The following PTK2 variants were observed in gnomAD, a reference collection of about 807,000 sequenced individuals.
PTK2 encodes focal adhesion kinase 1.
A neutral mutation model predicts 150.1 loss-of-function variants in PTK2; 45 were observed. The ratio of observed to expected loss-of-function variants is 0.30; its 90% CI spans 0.24 to 0.38. The LOEUF (loss-of-function observed/expected upper bound fraction) is 0.38, where lower values mean the gene tolerates loss of function less well. PTK2 is among the 10% of genes least tolerant of loss of function. The pLI is 1.00. For synonymous variants in PTK2, 432 were observed against 449.2 expected (o/e 0.96, Z 0.48); for missense variants, 919 against 1,307.3 (o/e 0.70, Z 4.58).
At chr8:140,960,931 G>C (rs971156164) in intron 1 of PTK2, among the ~76,000 whole-genome samples, 2 of 152,146 alleles carry the variant, frequency 1.3e-5, no homozygotes, top group Non-Finnish European at 2.9e-5. Context: ...AGTGAGCCAA[G>C]ATCACACCAC....
chr8:140,745,367 G>A (rs1379137845), intron 18 of PTK2, among the ~76,000 whole-genome samples: 1 of 152,176 alleles, frequency 6.6e-6, no homozygotes, highest in African/African-American at 2.4e-5. Flanking sequence ...GCAAAGAAAG[G>A]CAGACACAAT....
At chr8:140,697,571 G>C (rs1397133937) in intron 26 of PTK2, among the ~76,000 whole-genome samples, 2 of 151,972 alleles carry the variant, frequency 1.3e-5, no homozygotes, top group Non-Finnish European at 2.9e-5. Flanking sequence ...CTCCCAAGTA[G>C]CCTGGATTAT....
chr8:140,886,655 G>T (rs565302840), intron 3 of PTK2, among the ~76,000 whole-genome samples: 2 of 152,148 alleles, frequency 1.3e-5, no homozygotes, highest in Non-Finnish European at 1.5e-5. Flanking sequence ...TTTTCAAAGA[G>T]AGCCCATGCT....
chr8:140,828,624 A>G (rs570434223), intron 8 of PTK2, among the ~76,000 whole-genome samples: 22 of 152,210 alleles, frequency 1.4e-4, no homozygotes, highest in Non-Finnish European at 2.9e-4. Context: ...CATTGGGTAG[A>G]GTACTCTTCT....
Position 140,775,984 on chromosome 8 carries a change from A to G in PTK2, c.1178-11694T>C, listed in dbSNP as rs1440049442. On this transcript the variant is annotated intron_variant, in intron 14 of 31. Transcript: ENST00000522684. ...TCCTGGAATCTGTGATATAAAGAAC[A>G]ATGGACAATCAATAGTTTATTATTA... is the stretch of plus-strand genomic sequence containing the variant. Among the ~76,000 whole-genome samples the G allele has an allele frequency of 2.6e-5, 4 of 152,182 alleles. No individual in the cohort carries two copies. In the South Asian group the frequency reaches 8.3e-4, roughly 32 times the overall value.
intron 1 of PTK2, among the ~76,000 whole-genome samples, chr8:140,969,338 A>G (rs1472094641): frequency 6.6e-6 from 1 of 152,236 alleles, no homozygotes; most frequent in African/African-American, 2.4e-5. Flanking sequence ...ATTATCTCAC[A>G]AAGACTTTAA....
At chr8:140,882,240 T>C (rs1328386861) in intron 3 of PTK2, among the ~76,000 whole-genome samples, 3 of 152,192 alleles carry the variant, frequency 2.0e-5, no homozygotes, top group Non-Finnish European at 4.4e-5. Flanking sequence ...GAACTAAATA[T>C]CTGGTCTGGA....
chr8:140,668,472 T>A (rs2093696818), intron 29 of PTK2, 48 bp from the exon 34 acceptor site: 1 of 1,560,394 alleles, frequency 6.4e-7, no homozygotes, highest in Non-Finnish European at 8.7e-7. Flanking sequence ...GCAGATGGCG[T>A]GAGATCACCA....
At position 140,706,116 on chromosome 8, in the gene PTK2, T is replaced by C. The variant is rs749881975; in HGVS notation, c.2229+3A>G. The C allele has an allele frequency of 6.9e-6, 11 of 1,594,598 alleles. No individual in the cohort carries two copies. In the South Asian group the frequency reaches 1.2e-4, roughly 18 times the overall value. ...CAGTTTATATCTGTAATGACTGGCA[T>C]ACCTGGTAATGATTGGTTTGTACCA... On this transcript the variant is annotated splice_donor_region_variant and intron_variant, in intron 24 of 31. Transcript: ENST00000522684.
intron 10 of PTK2, among the ~76,000 whole-genome samples, chr8:140,814,683 C>T: frequency 6.6e-6 from 1 of 152,058 alleles, no homozygotes; most frequent in Non-Finnish European, 1.5e-5. Flanking sequence ...AATAATAAGA[C>T]AGTGTAGCAA....
intron 1 of PTK2, among the ~76,000 whole-genome samples, chr8:141,000,588 C>G (rs1293263546): frequency 6.6e-6 from 1 of 152,106 alleles, no homozygotes; most frequent in Non-Finnish European, 1.5e-5. Flanking sequence ...CGCCTCTGTC[C>G]GCCCTGCGCG....
At chr8:140,932,692 T>C (rs928105745) in intron 1 of PTK2, among the ~76,000 whole-genome samples, 2 of 152,198 alleles carry the variant, frequency 1.3e-5, no homozygotes, top group Admixed American at 6.5e-5. Context: ...TTATGGATAT[T>C]TGCATCTTCT....
chr8:140,714,101 C>T (rs73369943), intron 23 of PTK2, among the ~76,000 whole-genome samples: 5,875 of 152,118 alleles, frequency 0.039, 303 homozygotes, highest in African/African-American at 0.11. Flanking sequence ...TTGCCCAGGC[C>T]GGTCTCCAAT....
intron 27 of PTK2, among the ~76,000 whole-genome samples, chr8:140,677,636 T>C (rs977660802): frequency 2.6e-5 from 4 of 152,210 alleles, no homozygotes; most frequent in African/African-American, 7.2e-5. Flanking sequence ...CTATAAAAAA[T>C]AGCACACAAA....
intron 22 of PTK2, among the ~76,000 whole-genome samples, chr8:140,723,394 C>T (rs1049540532): frequency 6.6e-6 from 1 of 152,064 alleles, no homozygotes; most frequent in Non-Finnish European, 1.5e-5. Flanking sequence ...TCTGAGAAAC[C>T]ATAATTTGCT....
chr8:140,704,523 CTG>C (rs1478228478), intron 24 of PTK2, among the ~76,000 whole-genome samples: 1 of 152,184 alleles, frequency 6.6e-6, no homozygotes, highest in Non-Finnish European at 1.5e-5. Context: ...ACAAAGAGAA[CTG>C]TCTCTCTGCT....
intron 2 of PTK2, among the ~76,000 whole-genome samples, chr8:140,919,514 A>G (rs1469907797): frequency 2.6e-5 from 4 of 152,100 alleles, no homozygotes; most frequent in Non-Finnish European, 4.4e-5. Flanking sequence ...GGCTTTGTGA[A>G]GGAAATCAGA....
At chr8:140,745,307 A>C (rs996774527) in intron 18 of PTK2, among the ~76,000 whole-genome samples, 2 of 152,210 alleles carry the variant, frequency 1.3e-5, no homozygotes, top group Non-Finnish European at 2.9e-5. Flanking sequence ...CAATGTACTT[A>C]CTTGTTCATG....
intron 7 of PTK2, among the ~76,000 whole-genome samples, chr8:140,842,187 T>C (rs574552909): frequency 6.6e-6 from 1 of 152,150 alleles, no homozygotes; most frequent in African/African-American, 2.4e-5. Context: ...GTGAGAGGAG[T>C]TGAAGAAATT....
Sources: gnomAD v4.1 joint callset for allele counts (sites outside exome capture counted in the v4.1 genomes callset) on GRCh38, gnomAD v4.1.1 for gene constraint, MANE v1.5 for transcripts, NCBI Gene and HGNC (gene_info 2026-07-23, HGNC 2026-07-21) for gene names.